Variants in NDC1 observed in about 807,000 individuals in gnomAD.
NDC1 encodes NDC1 transmembrane nucleoporin, also known as nucleoporin NDC1.
Under a neutral mutation model 89.8 loss-of-function variants are expected in NDC1, and 24 were observed. The observed-to-expected ratio is 0.27, with a 90% CI of 0.19 to 0.38. The LOEUF is 0.38. Among genes scored for constraint, NDC1 ranks in the 10% least tolerant of loss-of-function variants. NDC1 has a pLI of 1.00. For synonymous variants in NDC1, 296 were observed against 284.8 expected (o/e 1.04, Z -0.39); for missense variants, 728 against 797.6 (o/e 0.91, Z 1.05).
At chr1:53,834,870 G>A (rs1649177520) in intron 2 of NDC1, among the ~76,000 whole-genome samples, 2 of 152,186 alleles carry the variant, frequency 1.3e-5, no homozygotes, top group Non-Finnish European at 2.9e-5. Context: ...CACTTCGGGA[G>A]GCTGAGGCAG....
intron 6 of NDC1, 57 bp downstream of exon 6, chr1:53,818,914 G>T: frequency 1.3e-6 from 1 of 780,870 alleles, no homozygotes; most frequent in Non-Finnish European, 2.1e-6. Context: ...CTTTGTAACT[G>T]ACATTTTCTG....
intron 14 of NDC1, among the ~76,000 whole-genome samples, chr1:53,791,116 G>GT (rs1491481686): frequency 1.3e-5 from 2 of 151,952 alleles, no homozygotes; most frequent in East Asian, 1.9e-4. Flanking sequence ...GCTTCTATAC[G>GT]TAAGTAAGAA....
intron 16 of NDC1, among the ~76,000 whole-genome samples, chr1:53,776,073 G>A (rs115185037): frequency 6.6e-6 from 1 of 151,070 alleles, no homozygotes; most frequent in African/African-American, 2.4e-5. Context: ...TCCCACCTCA[G>A]CCTCCCTCGT....
Position 53,804,023 on chromosome 1 carries a change from A to G in NDC1, c.985-14T>C. 6.3e-7 allele frequency: 1 copy of G among 1,590,960 alleles called. No individual in the cohort carries two copies. ...CAAGGCTAAATACTAACAGGGGGAA[A>G]AAACACATATTATTTAATTTTTTTT... On this transcript the variant is annotated splice_polypyrimidine_tract_variant and intron_variant, in intron 9 of 17. Transcript: ENST00000371429.
intron 6 of NDC1, among the ~76,000 whole-genome samples, chr1:53,814,209 GC>G (rs1648403765): frequency 6.6e-6 from 1 of 152,086 alleles, no homozygotes; most frequent in Non-Finnish European, 1.5e-5. Context: ...AAAAAATGTA[GC>G]CGGGCGTGGT....
At chr1:53,801,463 T>A (rs1256247967) in intron 10 of NDC1, among the ~76,000 whole-genome samples, 1 of 152,224 alleles carries the variant, frequency 6.6e-6, no homozygotes, top group African/African-American at 2.4e-5. Context: ...CCTTTAAAAA[T>A]TCCCTTATTT....
intron 16 of NDC1, among the ~76,000 whole-genome samples, chr1:53,778,300 C>A (rs1570159499): frequency 6.6e-6 from 1 of 150,624 alleles, no homozygotes; most frequent in Non-Finnish European, 1.5e-5. Flanking sequence ...CACACACTGT[C>A]ACATTTTTAA....
chr1:53,810,559 A>G (rs1648270657), intron 6 of NDC1, among the ~76,000 whole-genome samples: 1 of 152,218 alleles, frequency 6.6e-6, no homozygotes, highest in Non-Finnish European at 1.5e-5. Flanking sequence ...AAAATAGCCC[A>G]AATAAACAAC....
At chr1:53,834,872 C>T (rs374103393) in intron 2 of NDC1, among the ~76,000 whole-genome samples, 115 of 152,256 alleles carry the variant, frequency 7.6e-4, no homozygotes, top group African/African-American at 1.0e-3. Flanking sequence ...CTTCGGGAGG[C>T]TGAGGCAGGT....
At chr1:53,773,014 T>C (rs1479932544) in intron 16 of NDC1, among the ~76,000 whole-genome samples, 3 of 149,910 alleles carry the variant, frequency 2.0e-5, no homozygotes, top group Non-Finnish European at 4.4e-5. Context: ...TCCTTGAAAA[T>C]GCAAAGCTTG....
At chr1:53,792,091 C>T (rs953509056) in intron 14 of NDC1, among the ~76,000 whole-genome samples, 1 of 151,974 alleles carries the variant, frequency 6.6e-6, no homozygotes, top group Non-Finnish European at 1.5e-5. Context: ...CACAGGCGCC[C>T]ACCACTGCGC....
chr1:53,781,755 A>C (rs1037384019), intron 16 of NDC1, among the ~76,000 whole-genome samples: 3 of 152,212 alleles, frequency 2.0e-5, no homozygotes. Context: ...CAGAAAGCCA[A>C]AAATATATAA....
At chr1:53,784,224 T>TACACACAC (rs66868896) in intron 16 of NDC1, among the ~76,000 whole-genome samples, 155 of 149,484 alleles carry the variant, frequency 1.0e-3, no homozygotes, top group Middle Eastern at 3.4e-3. Flanking sequence ...TTCTGTTATC[T>TACACACAC]ACACACACAC....
At position 53,796,751 on chromosome 1, in the gene NDC1, C is replaced by T. The variant is rs1647717383; in HGVS notation, c.1522G>A (p.Glu508Lys). The T allele has an allele frequency of 6.2e-7, 1 of 1,611,826 alleles. No individual in the cohort carries two copies. Among genetic ancestry groups the T allele is most frequent in the Non-Finnish European group, 8.5e-7 (1 of 1,179,486 alleles). The change falls in exon 13 of 18, where the codon GAG (glutamate) becomes AAG (lysine). Residue 508 changes from glutamate to lysine, a missense_variant. By Grantham distance (56) the Glu-to-Lys change is moderately conservative. Coordinates refer to ENST00000371429, the MANE Select transcript of NDC1 (RefSeq NM_018087.5). ...NPSPSTSISA[E>K]GKTMRQPSVI... ...CTGGGTTGTCTCATTGTCTTACCCT[C>T]AGCACTAATAGAGGTAGATGGAGAA...
chr1:53,822,024 G>C (rs1490867392), intron 5 of NDC1, among the ~76,000 whole-genome samples: 1 of 151,870 alleles, frequency 6.6e-6, no homozygotes, highest in Non-Finnish European at 1.5e-5. Context: ...TTTATTATTT[G>C]TATTTTTTAC....
intron 13 of NDC1, among the ~76,000 whole-genome samples, chr1:53,795,952 T>C (rs1647682645): frequency 6.6e-6 from 1 of 152,174 alleles, no homozygotes; most frequent in South Asian, 2.1e-4. Context: ...TATCACCCAC[T>C]TACCACTCTC....
chr1:53,837,830 G>A (rs1331842916), intron 1 of NDC1, among the ~76,000 whole-genome samples: 1 of 152,112 alleles, frequency 6.6e-6, no homozygotes, highest in Non-Finnish European at 1.5e-5. Context: ...CTCTACTAAT[G>A]CCACATTTCT....
intron 5 of NDC1, among the ~76,000 whole-genome samples, chr1:53,823,035 T>C (rs1648727945): frequency 6.6e-6 from 1 of 151,908 alleles, no homozygotes; most frequent in African/African-American, 2.4e-5. Flanking sequence ...TACGGTGTCC[T>C]CCCTCCCTCT....
At chr1:53,806,806 A>T (rs1361453888) in intron 8 of NDC1, among the ~76,000 whole-genome samples, 1 of 152,222 alleles carries the variant, frequency 6.6e-6, no homozygotes, top group African/African-American at 2.4e-5. Flanking sequence ...TAAAACAGAA[A>T]CACTAATTTT....
Sources: gnomAD v4.1 joint callset for allele counts (sites outside exome capture counted in the v4.1 genomes callset) on GRCh38, gnomAD v4.1.1 for gene constraint, MANE v1.5 for transcripts, NCBI Gene and HGNC (gene_info 2026-07-23, HGNC 2026-07-21) for gene names.